The following CDH12 variants were observed in gnomAD, a reference collection of about 807,000 sequenced individuals.
CDH12 encodes the protein cadherin-12.
Under a neutral mutation model 74.1 loss-of-function variants are expected in CDH12, and 41 were observed. The observed-to-expected ratio is 0.55, with a 90% confidence interval of 0.43 to 0.72. CDH12 has a LOEUF of 0.72. Among genes scored for constraint, CDH12 ranks in the 30% least tolerant of loss-of-function variants. The pLI is 0.00. For missense variants in CDH12, 945 were observed against 977.2 expected (o/e 0.97, Z 0.44); for synonymous variants, 399 against 355.0 (o/e 1.12, Z -1.39).
At chr5:22,823,449 A>G (rs1749832175) in intron 1 of CDH12, among the ~76,000 whole-genome samples, 1 of 151,964 alleles carries the variant, frequency 6.6e-6, no homozygotes, top group Non-Finnish European at 1.5e-5. Context: ...CCACTCATGT[A>G]AGACCTCACT....
chr5:22,132,226 T>C (rs1580300103), intron 4 of CDH12, among the ~76,000 whole-genome samples: 1 of 151,698 alleles, frequency 6.6e-6, no homozygotes, highest in East Asian at 2.0e-4. Flanking sequence ...GCTTGAGGGA[T>C]GTACCAGTTT....
rs189938263 is a variant in CDH12 at position 22,048,590 on chromosome 5, A to G, written c.231+29856T>C. On this transcript the variant is annotated intron_variant, in intron 5 of 14. Coordinates refer to ENST00000382254, the MANE Select transcript of CDH12 (RefSeq NM_004061.5). ...ATTGATGACACAGGATAATGCATTC[A>G]AAGGAAAAAATATTAAGTTGCTAAA... is the stretch of plus-strand genomic sequence containing the variant. Among the ~76,000 whole-genome samples the G allele has an allele frequency of 8.2e-3, 1,251 of 152,268 alleles. 12 individuals are homozygous for G. Among genetic ancestry groups the G allele is most frequent in the Middle Eastern group, 0.02 (6 of 294 alleles).
At chr5:22,749,648 C>A (rs1379637127) in intron 1 of CDH12, among the ~76,000 whole-genome samples, 1 of 152,142 alleles carries the variant, frequency 6.6e-6, no homozygotes, top group Non-Finnish European at 1.5e-5. Context: ...CAATGGTATT[C>A]AAATATCTAC....
At chr5:21,919,565 T>G (rs1218319322) in intron 6 of CDH12, among the ~76,000 whole-genome samples, 1 of 152,122 alleles carries the variant, frequency 6.6e-6, no homozygotes, top group African/African-American at 2.4e-5. Context: ...CTTTGCACAG[T>G]CTGTCATTTT....
intron 3 of CDH12, among the ~76,000 whole-genome samples, chr5:22,276,195 T>C (rs1411257709): frequency 1.3e-5 from 2 of 152,194 alleles, no homozygotes; most frequent in South Asian, 4.1e-4. Context: ...ACTTTCTGAC[T>C]GGAATTTGAA....
At chr5:21,762,940 G>A (rs1408252936) in intron 12 of CDH12, among the ~76,000 whole-genome samples, 1 of 149,638 alleles carries the variant, frequency 6.7e-6, no homozygotes, top group East Asian at 2.0e-4. Context: ...CTAACTTGAG[G>A]AATTTTGGTA....
At chr5:21,991,227 T>C (rs1757735639) in intron 5 of CDH12, among the ~76,000 whole-genome samples, 2 of 151,850 alleles carry the variant, frequency 1.3e-5, no homozygotes, top group Admixed American at 6.6e-5. Flanking sequence ...GTTGTGCACA[T>C]TGTGCCATAA....
At chr5:22,785,860 C>G (rs980553639) in intron 1 of CDH12, among the ~76,000 whole-genome samples, 14 of 152,120 alleles carry the variant, frequency 9.2e-5, no homozygotes, top group African/African-American at 3.4e-4. Context: ...CCCTTACACA[C>G]TGTTTTAGGG....
At chr5:22,604,236 C>CT (rs1193314672) in intron 1 of CDH12, among the ~76,000 whole-genome samples, 4 of 152,150 alleles carry the variant, frequency 2.6e-5, no homozygotes, top group Admixed American at 1.3e-4. Context: ...TCAGCTATTT[C>CT]TGGGGGGTGG....
intron 1 of CDH12, among the ~76,000 whole-genome samples, chr5:22,694,386 T>C (rs1391673840): frequency 3.9e-5 from 6 of 152,186 alleles, no homozygotes; most frequent in African/African-American, 1.4e-4. Flanking sequence ...TTGATTATGC[T>C]GTTGATAGTC....
In CDH12 at chr5:22,378,189, G is replaced by A. The variant is rs572980134; in HGVS notation, c.-333+27068C>T. Among the ~76,000 whole-genome samples, 39 of 152,206 alleles carry A rather than the reference G, an allele frequency of 2.6e-4. 1 individual carries two copies. The South Asian group carries it at 8.1e-3, about 31-fold the overall frequency. The stretch of plus-strand genomic sequence containing the variant: ...TCCACTGTGTACAAATACAGAATCA[G>A]TTGCTATTCCAGAAGTTACTGAAAT... On this transcript the variant is annotated intron_variant, in intron 3 of 14. Transcript: ENST00000382254.
At chr5:22,543,631 T>A (rs1262222994) in intron 1 of CDH12, among the ~76,000 whole-genome samples, 1 of 152,100 alleles carries the variant, frequency 6.6e-6, no homozygotes, top group Non-Finnish European at 1.5e-5. Context: ...GAAAGAAAAT[T>A]AGTAAAAAAA....
intron 1 of CDH12, among the ~76,000 whole-genome samples, chr5:22,554,275 T>C (rs978021614): frequency 6.6e-6 from 1 of 152,092 alleles, no homozygotes; most frequent in Non-Finnish European, 1.5e-5. Flanking sequence ...GAATGTACAA[T>C]ACCAAGAGTG....
At chr5:22,265,629 G>C (rs1160017438) in intron 3 of CDH12, among the ~76,000 whole-genome samples, 1 of 152,084 alleles carries the variant, frequency 6.6e-6, no homozygotes, top group East Asian at 1.9e-4. Context: ...TTGTAGATAA[G>C]AAGGCACAGT....
intron 11 of CDH12, among the ~76,000 whole-genome samples, chr5:21,775,075 C>G (rs1167193937): frequency 6.6e-6 from 1 of 152,088 alleles, no homozygotes; most frequent in Non-Finnish European, 1.5e-5. Flanking sequence ...GTCTCTGATG[C>G]AGGTGGCTGT....
At chr5:21,811,513 A>G (rs1268733069) in intron 9 of CDH12, among the ~76,000 whole-genome samples, 1 of 152,016 alleles carries the variant, frequency 6.6e-6, no homozygotes, top group Non-Finnish European at 1.5e-5. Flanking sequence ...TCAGTAGCAA[A>G]AAAAACACTA....
chr5:22,336,545 C>T (rs1739589795), intron 3 of CDH12, among the ~76,000 whole-genome samples: 1 of 152,228 alleles, frequency 6.6e-6, no homozygotes, highest in Non-Finnish European at 1.5e-5. Flanking sequence ...TTCCCAACCA[C>T]TCCAGCTGTG....
intron 6 of CDH12, among the ~76,000 whole-genome samples, chr5:21,909,001 T>C (rs915655606): frequency 7.9e-5 from 12 of 152,318 alleles, no homozygotes; most frequent in African/African-American, 2.9e-4. Context: ...GAGAATTATC[T>C]TTTTTTCCTT....
chr5:22,676,788 T>C (rs547356016), intron 1 of CDH12, among the ~76,000 whole-genome samples: 4 of 152,192 alleles, frequency 2.6e-5, no homozygotes, highest in Middle Eastern at 3.4e-3. Flanking sequence ...TATTTTTCTT[T>C]GAAAAAATAT....
Sources: gnomAD v4.1 joint callset for allele counts (sites outside exome capture counted in the v4.1 genomes callset) on GRCh38, gnomAD v4.1.1 for gene constraint, MANE v1.5 for transcripts, NCBI Gene and HGNC (gene_info 2026-07-23, HGNC 2026-07-21) for gene names.